Variants in CMIP observed in about 807,000 individuals in gnomAD.
The protein encoded by CMIP is C-Maf-inducing protein.
Under a neutral mutation model 97.3 loss-of-function variants are expected in CMIP, and 13 were observed. The ratio of observed to expected loss-of-function variants is 0.13; its 90% CI spans 0.09 to 0.21. The LOEUF (loss-of-function observed/expected upper bound fraction) is 0.21. CMIP is among the 10% of genes least tolerant of loss of function. The pLI is 1.00. For synonymous variants in CMIP, 538 were observed against 436.3 expected (o/e 1.23, Z -2.91); for missense variants, 847 against 1,024.9 (o/e 0.83, Z 2.37).
intron 3 of CMIP, among the ~76,000 whole-genome samples, chr16:81,623,188 A>G (rs1350348037): frequency 1.3e-5 from 2 of 152,144 alleles, no homozygotes; most frequent in African/African-American, 4.8e-5. Context: ...TGAGTGATAG[A>G]GTGAGACCCC....
At chr16:81,542,929 A>G (rs1448724005) in intron 1 of CMIP, among the ~76,000 whole-genome samples, 1 of 152,196 alleles carries the variant, frequency 6.6e-6, no homozygotes, top group Non-Finnish European at 1.5e-5. Flanking sequence ...GAGAGAAGGA[A>G]CGGTTTACAT....
chr16:81,669,134 A>C (rs2092649216), intron 7 of CMIP, among the ~76,000 whole-genome samples: 3 of 74,742 alleles, frequency 4.0e-5, no homozygotes, highest in African/African-American at 5.6e-5. Flanking sequence ...CTCCTTCCAC[A>C]CCCACTTCAT....
intron 1 of CMIP, among the ~76,000 whole-genome samples, chr16:81,598,411 G>A (rs2091600147): frequency 6.6e-6 from 1 of 152,150 alleles, no homozygotes; most frequent in Admixed American, 6.5e-5. Context: ...GTGCTCAGTG[G>A]CCCACAGGTG....
chr16:81,482,749 C>A (rs562965779), intron 1 of CMIP, among the ~76,000 whole-genome samples: 1 of 152,210 alleles, frequency 6.6e-6, no homozygotes, highest in Non-Finnish European at 1.5e-5. Flanking sequence ...ACCCGGGCTT[C>A]GGAGTCACTG....
At chr16:81,594,526 C>T (rs1056110536) in intron 1 of CMIP, among the ~76,000 whole-genome samples, 1 of 152,184 alleles carries the variant, frequency 6.6e-6, no homozygotes, top group East Asian at 1.9e-4. Context: ...CCAAGGCCCC[C>T]AGTGGATGCC....
At chr16:81,462,603 T>C (rs183280363) in intron 1 of CMIP, among the ~76,000 whole-genome samples, 1 of 152,370 alleles carries the variant, frequency 6.6e-6, no homozygotes, top group Non-Finnish European at 1.5e-5. Context: ...TGCAGCGTTT[T>C]CTGTACTTGC....
At chr16:81,696,983 C>G (rs1597264401) in intron 14 of CMIP, 3 of 408,186 alleles carry the variant, frequency 7.3e-6, no homozygotes, top group East Asian at 9.9e-5. Context: ...CCGTTACTGC[C>G]TAAGGTCACA....
At chr16:81,518,110 G>A (rs144947909) in intron 1 of CMIP, 2 of 156,164 alleles carry the variant, frequency 1.3e-5, no homozygotes, top group African/African-American at 4.8e-5. Context: ...GGAAGGCTGG[G>A]GTCAATGGGG....
chr16:81,673,448 A>G (rs1236090150), intron 9 of CMIP, among the ~76,000 whole-genome samples: 1 of 152,120 alleles, frequency 6.6e-6, no homozygotes, highest in Non-Finnish European at 1.5e-5. Flanking sequence ...CCTGGGAGGC[A>G]GAGGTTGCAG....
chr16:81,486,908 C>T (rs1017634461), intron 1 of CMIP, among the ~76,000 whole-genome samples: 8 of 152,268 alleles, frequency 5.3e-5, no homozygotes, highest in African/African-American at 1.7e-4. Context: ...CCTCAGGCAT[C>T]GCACATTCCA....
At chr16:81,566,929 A>C (rs1019753122) in intron 1 of CMIP, among the ~76,000 whole-genome samples, 1 of 152,264 alleles carries the variant, frequency 6.6e-6, no homozygotes, top group Non-Finnish European at 1.5e-5. Flanking sequence ...AGGTCAGACA[A>C]AACTACCCTG....
intron 1 of CMIP, among the ~76,000 whole-genome samples, chr16:81,586,041 C>T (rs2091376839): frequency 6.6e-6 from 1 of 151,896 alleles, no homozygotes; most frequent in African/African-American, 2.4e-5. Context: ...CAGCCGGACT[C>T]CATTGCTCCC....
In CMIP at chr16:81,479,226, C is replaced by G. The variant is rs930093560; in HGVS notation, c.300+33685C>G. On this transcript the variant is annotated intron_variant, in intron 1 of 20. Transcript: ENST00000537098. ...GGGCGGTCAGCTACTCGAAGTTGCT[C>G]GCCTGGAAAAACTGGGAAGATGTCA... 2.0e-5 allele frequency among the ~76,000 whole-genome samples: 3 copies of G among 152,160 alleles called. No homozygotes were observed. The South Asian group carries it at 6.2e-4, about 32-fold the overall frequency.
At chr16:81,493,680 C>T (rs1271579781) in intron 1 of CMIP, among the ~76,000 whole-genome samples, 1 of 152,238 alleles carries the variant, frequency 6.6e-6, no homozygotes, top group East Asian at 1.9e-4. Context: ...TTAATATAAA[C>T]ACCAACAGTA....
At chr16:81,581,173 A>G (rs2091290308) in intron 1 of CMIP, among the ~76,000 whole-genome samples, 2 of 152,152 alleles carry the variant, frequency 1.3e-5, no homozygotes, top group South Asian at 2.1e-4. Context: ...TTATCCATTC[A>G]TCTGTTGATG....
chr16:81,622,459 G>A lies in CMIP; in HGVS notation c.477+1533G>A, dbSNP rs540611052. On this transcript the variant is annotated intron_variant, in intron 3 of 20. Transcript: ENST00000537098. ...CATTCGTCAGCACCTACTGGGGACCGTCTGGGGGTCAGATGCCAAAGCAGT... is the reference window on the plus strand; with the variant it reads ...CATTCGTCAGCACCTACTGGGGACCATCTGGGGGTCAGATGCCAAAGCAGT... 2.2e-4 allele frequency among the ~76,000 whole-genome samples: 33 copies of A among 152,254 alleles called. No individual in the cohort carries two copies. In the South Asian group the frequency reaches 5.4e-3, roughly 25 times the overall value.
At chr16:81,485,061 A>T (rs981668753) in intron 1 of CMIP, among the ~76,000 whole-genome samples, 1 of 151,048 alleles carries the variant, frequency 6.6e-6, no homozygotes, top group Non-Finnish European at 1.5e-5. Context: ...CTGATGCCTG[A>T]CTCCACCCCC....
At chr16:81,630,035 C>A (rs184592032) in intron 3 of CMIP, among the ~76,000 whole-genome samples, 14 of 152,376 alleles carry the variant, frequency 9.2e-5, no homozygotes, top group Non-Finnish European at 1.9e-4. Context: ...TTCTGCAGCG[C>A]TTCAGGGCCA....
chr16:81,563,953 G>T (rs112261550), intron 1 of CMIP, among the ~76,000 whole-genome samples: 82 of 152,354 alleles, frequency 5.4e-4, no homozygotes, highest in Admixed American at 1.9e-3. Context: ...CCTGGGTCTG[G>T]CTTTCAGGGC....
Sources: gnomAD v4.1 joint callset for allele counts (sites outside exome capture counted in the v4.1 genomes callset) on GRCh38, gnomAD v4.1.1 for gene constraint, MANE v1.5 for transcripts, NCBI Gene and HGNC (gene_info 2026-07-23, HGNC 2026-07-21) for gene names.